Variants in PLA2R1 observed in about 807,000 individuals in gnomAD.
PLA2R1 encodes the protein secretory phospholipase A2 receptor.
In PLA2R1, 158 loss-of-function variants were observed where a neutral mutation model predicts 195.9. The ratio of observed to expected loss-of-function variants is 0.81; its 90% CI spans 0.71 to 0.92. PLA2R1 has a LOEUF of 0.92. Ranked by LOEUF, PLA2R1 falls within the 40% of genes least tolerant of loss-of-function variation. The pLI is 0.00. For synonymous variants in PLA2R1, 586 were observed against 598.2 expected, an observed-to-expected ratio of 0.98 and a Z score of 0.30; for missense variants, 1,626 against 1,764.6, an observed-to-expected ratio of 0.92 and a Z score of 1.41.
chr2:159,968,690 C>T (rs1299606015), intron 19 of PLA2R1, among the ~76,000 whole-genome samples: 1 of 152,174 alleles, frequency 6.6e-6, no homozygotes, highest in Non-Finnish European at 1.5e-5. Flanking sequence ...GGACAATCAA[C>T]CTAACTACAC....
intron 23 of PLA2R1, among the ~76,000 whole-genome samples, chr2:159,953,138 G>A (rs1416289155): frequency 6.6e-6 from 1 of 152,176 alleles, no homozygotes. Flanking sequence ...TTATATGTCT[G>A]TATTTTTACA....
chr2:160,044,122 T>C (rs1694717062), intron 2 of PLA2R1, among the ~76,000 whole-genome samples: 1 of 145,544 alleles, frequency 6.9e-6, no homozygotes, highest in Non-Finnish European at 1.5e-5. Context: ...GGTTTGAGAT[T>C]TGAATTTAAC....
At chr2:160,043,819 T>C (rs890188753) in intron 2 of PLA2R1, among the ~76,000 whole-genome samples, 4 of 152,254 alleles carry the variant, frequency 2.6e-5, no homozygotes, top group African/African-American at 7.2e-5. Context: ...GCTCTGTCTC[T>C]TTTTAATCAT....
chr2:160,027,660 T>G (rs1693608526), intron 6 of PLA2R1, among the ~76,000 whole-genome samples: 1 of 152,204 alleles, frequency 6.6e-6, no homozygotes, highest in Non-Finnish European at 1.5e-5. Context: ...AAGACATTAA[T>G]TCTCAGAGAA....
intron 13 of PLA2R1, among the ~76,000 whole-genome samples, 191 bp from the exon 14 acceptor site, chr2:159,980,105 A>T (rs186628450): frequency 5.3e-5 from 8 of 152,338 alleles, no homozygotes; most frequent in Admixed American, 4.6e-4. Context: ...TGTATGCAGG[A>T]AACAGCTGAT....
At chr2:159,952,986 C>T (rs1008237948) in intron 23 of PLA2R1, among the ~76,000 whole-genome samples, 5 of 152,126 alleles carry the variant, frequency 3.3e-5, no homozygotes, top group African/African-American at 9.7e-5. Flanking sequence ...GCCCAGCCTA[C>T]GTGCCCAGTG....
At chr2:159,995,254 A>G (rs1172307958) in intron 11 of PLA2R1, among the ~76,000 whole-genome samples, 1 of 152,156 alleles carries the variant, frequency 6.6e-6, no homozygotes, top group Non-Finnish European at 1.5e-5. Flanking sequence ...AGCGTCAATC[A>G]GCTTGAGCAG....
At chr2:160,054,314 G>T (rs1695402500) in intron 1 of PLA2R1, among the ~76,000 whole-genome samples, 1 of 152,124 alleles carries the variant, frequency 6.6e-6, no homozygotes, top group African/African-American at 2.4e-5. Flanking sequence ...AAATAATAGT[G>T]CTGGCCTCAC....
In PLA2R1 at chr2:159,941,966, C is replaced by T. The variant is rs372712233; in HGVS notation, c.4204G>A (p.Ala1402Thr). ...KGPSHSIIPLAVVLTLIVIVA... is the reference protein window; with the variant it reads ...KGPSHSIIPLTVVLTLIVIVA... ...ATGACTATCAGTGTCAGTACAACCG[C>T]AAGAGGAATGATGCTGTGACTTGGT... The change falls in exon 30 of 30, where the codon GCG becomes ACG. Residue 1402 changes from alanine to threonine, a missense_variant. Transcript: ENST00000283243. The T allele has an allele frequency of 1.9e-6, 3 of 1,613,516 alleles. No individual in the cohort carries two copies. Among genetic ancestry groups the T allele is most frequent in the Non-Finnish European group, 2.5e-6 (3 of 1,179,772 alleles).
chr2:159,956,137 A>C (rs989956602), intron 21 of PLA2R1, among the ~76,000 whole-genome samples: 7 of 152,236 alleles, frequency 4.6e-5, no homozygotes, highest in Admixed American at 1.3e-4. Context: ...ACTGAAGTAT[A>C]TAATTGATTA....
intron 11 of PLA2R1, among the ~76,000 whole-genome samples, chr2:159,994,551 T>C (rs1036357369): frequency 1.3e-5 from 2 of 152,124 alleles, no homozygotes; most frequent in Non-Finnish European, 2.9e-5. Context: ...AATTGTATTA[T>C]TATGTCTTTT....
Position 160,045,016 on chromosome 2 carries a change from A to G in PLA2R1, c.251T>C (p.Ile84Thr), listed in dbSNP as rs1391593849. The G allele has an allele frequency of 1.9e-6, 3 of 1,613,980 alleles. No individual in the cohort carries two copies. Among genetic ancestry groups the G allele is most frequent in the South Asian group, 1.1e-5 (1 of 91,082 alleles). ...CAGGCCCAGGCAACCACTGCCTCCT[A>G]TGTTAAAGAGGCCATGGTTTGAAAC... Reference protein sequence around the residue: ...KWVSNHGLFNIGGSGCLGLNF... With the variant: ...KWVSNHGLFNTGGSGCLGLNF... Residue 84 changes from isoleucine (I) to threonine (T), a missense_variant, in exon 2 of 30, where the codon ATA becomes ACA. By Grantham distance (89) the Ile-to-Thr change is moderately conservative. Coordinates refer to ENST00000283243, the MANE Select transcript of PLA2R1 (RefSeq NM_007366.5).
At chr2:159,957,693 C>A (rs993630367) in intron 20 of PLA2R1, among the ~76,000 whole-genome samples, 1 of 152,108 alleles carries the variant, frequency 6.6e-6, no homozygotes, top group African/African-American at 2.4e-5. Context: ...TGGAATGATA[C>A]ATACTTGGCA....
intron 1 of PLA2R1, among the ~76,000 whole-genome samples, chr2:160,045,574 T>C (rs1412921383): frequency 6.6e-6 from 1 of 152,208 alleles, no homozygotes; most frequent in Non-Finnish European, 1.5e-5. Context: ...AGTGCCTGAA[T>C]GTTAGGAACA....
chr2:160,021,244 C>A (rs1227345178), intron 7 of PLA2R1, among the ~76,000 whole-genome samples: 1 of 152,018 alleles, frequency 6.6e-6, no homozygotes, highest in Non-Finnish European at 1.5e-5. Context: ...AAAAATAGAA[C>A]TACCTTTCAA....
intron 11 of PLA2R1, among the ~76,000 whole-genome samples, chr2:159,997,905 G>A (rs1001005081): frequency 6.6e-6 from 1 of 152,166 alleles, no homozygotes; most frequent in Non-Finnish European, 1.5e-5. Context: ...GGAACTGGAA[G>A]TCTTCAAAAG....
chr2:160,016,814 C>T (rs992142711), intron 8 of PLA2R1, 102 bp from the exon 9 acceptor site: 13 of 650,320 alleles, frequency 2.0e-5, no homozygotes, highest in Middle Eastern at 3.3e-4. Flanking sequence ...TGTGCTCCCG[C>T]GTGGGATAAT....
At chr2:160,048,201 G>A (rs574764561) in intron 1 of PLA2R1, among the ~76,000 whole-genome samples, 4 of 152,336 alleles carry the variant, frequency 2.6e-5, no homozygotes, top group Non-Finnish European at 4.4e-5. Flanking sequence ...TGGAACTTCT[G>A]TAGTCACACC....
chr2:160,062,360 G>A lies in PLA2R1; in HGVS notation c.44C>T (p.Ala15Val). The A allele has an allele frequency of 1.3e-6, 2 of 1,536,612 alleles. No homozygotes were observed. Among genetic ancestry groups the A allele is most frequent in the Non-Finnish European group, 1.8e-6 (2 of 1,141,240 alleles). Residue 15 changes from alanine to valine, a missense_variant, in exon 1 of 30, where the codon GCG becomes GTG. Ala to Val is a moderately conservative substitution (Grantham distance 64). Transcript: ENST00000283243. The part of the protein sequence containing the change: ...PSLLLLLLLG[A>V]PRGCAEGVAA... ...CACACCCTCGGCGCAGCCCCGCGGCGCCCCCAGCAGCAGCAGCAGCAGCAG... is the reference window on the plus strand; with the variant it reads ...CACACCCTCGGCGCAGCCCCGCGGCACCCCCAGCAGCAGCAGCAGCAGCAG...
Sources: gnomAD v4.1 joint callset for allele counts (sites outside exome capture counted in the v4.1 genomes callset) on GRCh38, gnomAD v4.1.1 for gene constraint, MANE v1.5 for transcripts, NCBI Gene and HGNC (gene_info 2026-07-23, HGNC 2026-07-21) for gene names.